DAPK3: variants seen among roughly 807,000 people sequenced by gnomAD.
DAPK3 encodes death-associated protein kinase 3.
DAPK3 carries 24 observed loss-of-function variants against 30.6 expected under a neutral mutation model. That is an observed-to-expected ratio of 0.78 (90% CI 0.57 to 1.10). DAPK3 has a LOEUF of 1.10. Ranked by LOEUF, DAPK3 falls within the 50% of genes least tolerant of loss-of-function variation. DAPK3 has a pLI of 0.00. For synonymous variants in DAPK3, 341 were observed against 284.0 expected (o/e 1.20, Z -2.02); for missense variants, 629 against 657.3 (o/e 0.96, Z 0.47).
chr19:3,961,165 C>A lies in DAPK3; in HGVS notation c.630-4G>T, dbSNP rs377030069. ...GAACGGGGATGCACCGCTCAGGCTGCGAGACAGGCGTGGGGGCTCAGTGGG... is the reference window on the plus strand; with the variant it reads ...GAACGGGGATGCACCGCTCAGGCTGAGAGACAGGCGTGGGGGCTCAGTGGG... On this transcript the variant is annotated splice_region_variant and splice_polypyrimidine_tract_variant and intron_variant, in intron 6 of 8. Coordinates refer to ENST00000545797, the MANE Select transcript of DAPK3 (RefSeq NM_001348.3). 9.3e-6 allele frequency: 15 copies of A among 1,609,918 alleles called. No homozygotes were observed. The highest frequency in any genetic ancestry group is 1.2e-5 in the Non-Finnish European group (14 of 1,178,566).
chr19:3,961,483 A>C (rs1355561760), intron 6 of DAPK3: 2 of 548,292 alleles, frequency 3.6e-6, no homozygotes, highest in Non-Finnish European at 7.4e-6. Flanking sequence ...GGGTAACTGC[A>C]GTGGGGAGCC....
intron 5 of DAPK3, 83 bp downstream of exon 5, chr19:3,963,788 G>C: frequency 8.1e-7 from 1 of 1,235,536 alleles, no homozygotes; most frequent in Non-Finnish European, 1.2e-6. Flanking sequence ...ACAGCAGCAA[G>C]GCCCCGCTTC....
Position 3,960,184 on chromosome 19 carries a change from C to T in DAPK3, c.783-80G>A, listed in dbSNP as rs1230715292. On this transcript the variant is annotated intron_variant, in intron 7 of 8. Coordinates refer to ENST00000545797, the MANE Select transcript of DAPK3 (RefSeq NM_001348.3). The stretch of plus-strand genomic sequence containing the variant: ...GTGAACAACTGACTCCCGGGACCCC[C>T]AAAAGCCCTAAAGTCGCCCCCCAGC... 8 of 794,388 alleles carry T rather than the reference C, an allele frequency of 1.0e-5. No individual in the cohort carries two copies. In the Admixed American group the frequency reaches 1.2e-4, roughly 12 times the overall value. The allele number at this position is 794,388 out of a possible 1,614,324, so 49.2% of individuals were successfully genotyped here.
chr19:3,968,352 A>G (rs2039600002), intron 2 of DAPK3, among the ~76,000 whole-genome samples: 1 of 151,968 alleles, frequency 6.6e-6, no homozygotes, highest in Non-Finnish European at 1.5e-5. Context: ...AAAATTAGCC[A>G]GGGGTGGTGG....
intron 6 of DAPK3, chr19:3,961,531 C>A (rs767383719): frequency 3.9e-6 from 2 of 509,682 alleles, no homozygotes; most frequent in East Asian, 1.1e-4. Flanking sequence ...AGGTCAACAG[C>A]CCGGCAGTGA....
At chr19:3,965,453 C>A (rs940686942) in intron 2 of DAPK3, among the ~76,000 whole-genome samples, 13 of 152,192 alleles carry the variant, frequency 8.5e-5, no homozygotes, top group Non-Finnish European at 1.8e-4. Flanking sequence ...CCTGTCTCTA[C>A]CAAAAATACA....
intron 7 of DAPK3, 127 bp from the exon 8 acceptor site, chr19:3,960,231 A>AGCT (rs2039494147): frequency 1.5e-6 from 1 of 651,362 alleles, no homozygotes; most frequent in African/African-American, 1.9e-5. Context: ...CAACCACAGA[A>AGCT]GCTGAACAAG....
intron 2 of DAPK3, 27 bp from the exon 3 acceptor site, chr19:3,965,018 G>A: frequency 2.2e-6 from 3 of 1,366,282 alleles, no homozygotes; most frequent in Non-Finnish European, 3.1e-6. Flanking sequence ...GAGTGAGTGG[G>A]GGTGGAGGAG....
chr19:3,959,324 A>T lies in DAPK3; in HGVS notation c.1142T>A (p.Leu381Gln). 6.3e-7 allele frequency: 1 copy of T among 1,592,670 alleles called. No individual in the cohort carries two copies. The highest frequency in any genetic ancestry group is 8.5e-7 in the Non-Finnish European group (1 of 1,176,476). ...CTCGGTCTTGAGCAGCTCCTGCCGT[A>T]GCCTCCGCAGGTCCTGGCCCAGGCT... ...SDSLGQDLRR[L>Q]RQELLKTEAL... The change falls in exon 9 of 9, where the codon CTA becomes CAA. Residue 381 changes from leucine to glutamine, a missense_variant. Coordinates refer to ENST00000545797, the MANE Select transcript of DAPK3 (RefSeq NM_001348.3).
Position 3,961,181 on chromosome 19 carries a change from G to T in DAPK3, c.630-20C>A. 6.2e-7 allele frequency: 1 copy of T among 1,602,878 alleles called. No individual in the cohort carries two copies. Among genetic ancestry groups the T allele is most frequent in the Non-Finnish European group, 8.5e-7 (1 of 1,174,282 alleles). ...CTCAGGCTGCGAGACAGGCGTGGGGGCTCAGTGGGGTCCTGGGCTCCCACC... is the reference window on the plus strand; with the variant it reads ...CTCAGGCTGCGAGACAGGCGTGGGGTCTCAGTGGGGTCCTGGGCTCCCACC... On this transcript the variant is annotated intron_variant, in intron 6 of 8. Coordinates refer to ENST00000545797, the MANE Select transcript of DAPK3 (RefSeq NM_001348.3).
chr19:3,966,819 C>T (rs1187118405), intron 2 of DAPK3, among the ~76,000 whole-genome samples: 1 of 152,082 alleles, frequency 6.6e-6, no homozygotes, highest in African/African-American at 2.4e-5. Context: ...CAGCAGACCA[C>T]AGCCGCCCAC....
chr19:3,963,406 G>A (rs577059508), intron 6 of DAPK3, among the ~76,000 whole-genome samples: 27 of 151,746 alleles, frequency 1.8e-4, no homozygotes, highest in African/African-American at 5.8e-4. Flanking sequence ...GAGCACACAC[G>A]ACCCCCAACC....
intron 4 of DAPK3, 53 bp downstream of exon 4, chr19:3,964,191 C>A: frequency 1.3e-6 from 2 of 1,498,940 alleles, no homozygotes; most frequent in South Asian, 1.2e-5. Flanking sequence ...GCACAGCAGG[C>A]AGCCCCAGAC....
At position 3,961,031 on chromosome 19, in the gene DAPK3, G is replaced by T. The variant is rs1456216640; in HGVS notation, c.760C>A (p.Arg254=). The part of the protein sequence containing the change: ...TSELAKDFIR[R]LLVKDPKRRM... ...TACTTGGGATCTTTGACGAGCAGCC[G>T]GCGAATGAAGTCCTTGGCCAGCTCG... is the stretch of plus-strand genomic sequence containing the variant. The change falls in exon 7 of 9, where the codon CGG becomes AGG. Residue 254 remains arginine, a synonymous_variant. Transcript: ENST00000545797. 9.3e-6 allele frequency: 15 copies of T among 1,613,546 alleles called. No individual in the cohort carries two copies. Among genetic ancestry groups the T allele is most frequent in the Non-Finnish European group, 1.3e-5 (15 of 1,179,942 alleles).
rs772025209 is a variant in DAPK3, at chr19:3,969,715, C to T, written c.21G>A (p.Glu7=). MSTFRQ[E]DVEDHYEMGE... ...CCATCTCATAATGGTCCTCCACGTC[C>T]TCCTGCCTGAACGTGGACATGGCGG... The change falls in exon 2 of 9, where the codon GAG becomes GAA. Residue 7 remains glutamate (E), a synonymous_variant. Coordinates refer to ENST00000545797, the MANE Select transcript of DAPK3 (RefSeq NM_001348.3). 5.0e-5 allele frequency: 81 copies of T among 1,612,476 alleles called. 1 individual carries two copies. The highest frequency in any genetic ancestry group is 2.7e-5 in the African/African-American group (2 of 74,932).
At chr19:3,963,715 C>A in intron 5 of DAPK3, 46 bp from the exon 6 acceptor site, 1 of 1,492,884 alleles carries the variant, frequency 6.7e-7, no homozygotes, top group Non-Finnish European at 9.0e-7. Flanking sequence ...TGGGGCCGCC[C>A]ACCCTCCCAG....
At chr19:3,961,217 C>T (rs1203234751) in intron 6 of DAPK3, 56 bp from the exon 7 acceptor site, 19 of 1,487,152 alleles carry the variant, frequency 1.3e-5, no homozygotes, top group Admixed American at 7.1e-5. Flanking sequence ...ACGGCCGCGC[C>T]GCCTCTCCGG....
intron 2 of DAPK3, among the ~76,000 whole-genome samples, chr19:3,968,025 C>T (rs1043343434): frequency 6.6e-6 from 1 of 152,222 alleles, no homozygotes; most frequent in Admixed American, 6.5e-5. Context: ...TGGGGGTCAA[C>T]TTATGTTGCC....
Position 3,964,701 on chromosome 19 carries a change from T to C in DAPK3, c.353A>G (p.Gln118Arg). Residue 118 changes from glutamine to arginine, a missense_variant, in exon 3 of 9, where the codon CAG becomes CGG. Coordinates refer to ENST00000545797, the MANE Select transcript of DAPK3 (RefSeq NM_001348.3). ...GCCGTCCAGGATCTGCTTGAGGAAC[T>C]GGGTGGCCTCGTCCTCCGTCAGCGA... ...KESLTEDEAT[Q>R]FLKQILDGVH... 2 of 1,611,964 alleles carry C rather than the reference T, an allele frequency of 1.2e-6. No homozygotes were observed. The highest frequency in any genetic ancestry group is 1.7e-6 in the Non-Finnish European group (2 of 1,179,218).
Sources: allele counts gnomAD v4.1 joint callset (sites outside exome capture counted in the v4.1 genomes callset), GRCh38; gene constraint gnomAD v4.1.1; transcripts MANE v1.5; gene names NCBI Gene and HGNC (gene_info 2026-07-23, HGNC 2026-07-21).